Variants in TAS2R1 observed in about 807,000 individuals in gnomAD.
TAS2R1 encodes taste receptor type 2 member 1.
For missense variants in TAS2R1, 370 were observed against 353.4 expected, an observed-to-expected ratio of 1.05 and a Z score of -0.38; for synonymous variants, 141 against 134.2, an observed-to-expected ratio of 1.05 and a Z score of -0.35.
the TAS2R1 span, among the ~76,000 whole-genome samples, chr5:9,720,647 G>T: frequency 1.3e-5 from 2 of 152,320 alleles, no homozygotes; most frequent in South Asian, 4.1e-4. Flanking sequence ...AGGAATGTAT[G>T]AACTGACTTG....
At chr5:9,806,673 T>C in the TAS2R1 span, among the ~76,000 whole-genome samples, 4 of 151,914 alleles carry the variant, frequency 2.6e-5, no homozygotes, top group African/African-American at 9.7e-5. Context: ...CAACAAATGG[T>C]GCTGGGACAA....
the TAS2R1 span, among the ~76,000 whole-genome samples, chr5:9,757,997 T>C: frequency 1.3e-5 from 2 of 152,136 alleles, no homozygotes; most frequent in Admixed American, 1.3e-4. Flanking sequence ...TTAAATAAAT[T>C]GTTCCCATTT....
the TAS2R1 span, among the ~76,000 whole-genome samples, chr5:9,788,716 A>C: frequency 6.6e-6 from 1 of 152,190 alleles, no homozygotes; most frequent in Non-Finnish European, 1.5e-5. Context: ...ATGTGGGTTG[A>C]TTTCAGCCGA....
chr5:9,813,264 C>T, the TAS2R1 span, among the ~76,000 whole-genome samples: 1 of 152,272 alleles, frequency 6.6e-6, no homozygotes, highest in South Asian at 2.1e-4. Flanking sequence ...TCAGAAAGAA[C>T]CAACTGCCAA....
chr5:9,833,463 C>T, the TAS2R1 span, among the ~76,000 whole-genome samples: 1 of 152,052 alleles, frequency 6.6e-6, no homozygotes, highest in African/African-American at 2.4e-5. Flanking sequence ...TCTTTGTGAG[C>T]TGTGAAAAGA....
the TAS2R1 span, among the ~76,000 whole-genome samples, chr5:9,778,926 C>T: frequency 2.6e-5 from 4 of 152,228 alleles, no homozygotes; most frequent in Admixed American, 6.5e-5. Context: ...AATCTTCCTT[C>T]GCATTCACAG....
chr5:9,671,879 A>G (rs1178638357), intron 1 of TAS2R1, among the ~76,000 whole-genome samples: 1 of 152,160 alleles, frequency 6.6e-6, no homozygotes, highest in Non-Finnish European at 1.5e-5. Context: ...GAGGCATCAC[A>G]TTACTCAACT....
chr5:9,895,855 T>C, the TAS2R1 span, among the ~76,000 whole-genome samples: 55 of 152,360 alleles, frequency 3.6e-4, no homozygotes, highest in Non-Finnish European at 6.0e-4. Context: ...TGTAATCTGA[T>C]GGAGTTACAG....
At chr5:9,761,506 C>A in the TAS2R1 span, among the ~76,000 whole-genome samples, 8 of 151,922 alleles carry the variant, frequency 5.3e-5, no homozygotes, top group African/African-American at 1.9e-4. Context: ...AATCTTTACT[C>A]CACTTGAAAA....
the TAS2R1 span, among the ~76,000 whole-genome samples, chr5:9,844,497 T>C: frequency 2.0e-5 from 3 of 152,236 alleles, no homozygotes; most frequent in Non-Finnish European, 2.9e-5. Flanking sequence ...TGATTTCCTA[T>C]GTAAGTCTTC....
At chr5:9,735,043 T>A in the TAS2R1 span, among the ~76,000 whole-genome samples, 1 of 151,348 alleles carries the variant, frequency 6.6e-6, no homozygotes, top group African/African-American at 2.5e-5. Flanking sequence ...CTTACAGTCG[T>A]GGCAGTAGGC....
chr5:9,762,011 C>CA, the TAS2R1 span, among the ~76,000 whole-genome samples: 1 of 152,152 alleles, frequency 6.6e-6, no homozygotes, highest in African/African-American at 2.4e-5. Context: ...GAGCCTTGCA[C>CA]CACCCACCAT....
intron 1 of TAS2R1, among the ~76,000 whole-genome samples, chr5:9,711,971 T>C (rs1734688206): frequency 7.2e-6 from 1 of 138,854 alleles, no homozygotes; most frequent in Admixed American, 7.3e-5. Flanking sequence ...CAGCCTTATG[T>C]TCAACGTTTT....
At chr5:9,776,197 AG>A in the TAS2R1 span, among the ~76,000 whole-genome samples, 1 of 152,172 alleles carries the variant, frequency 6.6e-6, no homozygotes, top group Non-Finnish European at 1.5e-5. Flanking sequence ...AGTTCTGCCC[AG>A]TTTTGCTTTC....
chr5:9,824,875 A>C, the TAS2R1 span, among the ~76,000 whole-genome samples: 2 of 151,234 alleles, frequency 1.3e-5, no homozygotes, highest in African/African-American at 4.9e-5. Context: ...GGGGAAGAGA[A>C]AGGAAAAGGG....
chr5:9,892,665 T>C, the TAS2R1 span, among the ~76,000 whole-genome samples: 2 of 152,230 alleles, frequency 1.3e-5, no homozygotes, highest in East Asian at 3.9e-4. Context: ...TTCCCTGCAC[T>C]TGACCCCCCT....
the TAS2R1 span, among the ~76,000 whole-genome samples, chr5:9,719,762 A>G: frequency 9.6e-6 from 1 of 104,020 alleles, no homozygotes; most frequent in Non-Finnish European, 2.2e-5. Context: ...TAAAAATACA[A>G]AAAAAATTAG....
At chr5:9,712,024 AAGGAAGGGAGGG>A (rs1435610234) in intron 1 of TAS2R1, 1 of 86,614 alleles carries the variant, frequency 1.2e-5, no homozygotes, top group Admixed American at 1.2e-4. Context: ...AGAAGGAAGG[AAGGAAGGGAGGG>A]AGGGAGGGAG....
chr5:9,824,459 C>A, the TAS2R1 span, among the ~76,000 whole-genome samples: 6 of 152,164 alleles, frequency 3.9e-5, no homozygotes, highest in Non-Finnish European at 5.9e-5. Flanking sequence ...ATATTCTATC[C>A]TTTGCATTTC....
Sources: allele counts gnomAD v4.1 joint callset (sites outside exome capture counted in the v4.1 genomes callset), GRCh38; gene constraint gnomAD v4.1.1; transcripts MANE v1.5; gene names NCBI Gene and HGNC (gene_info 2026-07-23, HGNC 2026-07-21).